The following TSPAN15 variants were observed in gnomAD, a reference collection of about 807,000 sequenced individuals.
The protein encoded by TSPAN15 is tetraspanin-15.
Under a neutral mutation model 34.5 loss-of-function variants are expected in TSPAN15, and 20 were observed. That is an observed-to-expected ratio of 0.58 (90% CI 0.41 to 0.84). The LOEUF is 0.84. Among genes scored for constraint, TSPAN15 ranks in the 40% least tolerant of loss-of-function variants. The pLI is 0.00. For missense variants in TSPAN15, 313 were observed against 386.1 expected (o/e 0.81, Z 1.59); for synonymous variants, 155 against 153.9 (o/e 1.01, Z -0.05).
At chr10:69,467,637 A>AACAC (rs36028041) in intron 1 of TSPAN15, among the ~76,000 whole-genome samples, 3,740 of 78,164 alleles carry the variant, frequency 0.048, 93 homozygotes, top group African/African-American at 0.084. Context: ...AAAACAAAAC[A>AACAC]ACACACACAC....
chr10:69,507,167 T>C lies in TSPAN15; in HGVS notation c.*189T>C. ...CAGGGAGCAGAGCCTGGGCCTCCCC[T>C]AAGAGGCTTTCCCCGAGGCAGCTCT... On this transcript the variant is annotated 3_prime_UTR_variant, in exon 8 of 8. Coordinates refer to ENST00000373290, the MANE Select transcript of TSPAN15 (RefSeq NM_012339.5). 7.0e-7 allele frequency: 1 copy of C among 1,427,662 alleles called. No individual in the cohort carries two copies. Among genetic ancestry groups the C allele is most frequent in the Non-Finnish European group, 9.1e-7 (1 of 1,097,672 alleles). 88.4% of individuals were successfully genotyped at this position (1,427,662 alleles called of 1,614,324 possible).
At chr10:69,454,897 C>T (rs781377211) in intron 1 of TSPAN15, among the ~76,000 whole-genome samples, 31 of 151,764 alleles carry the variant, frequency 2.0e-4, no homozygotes, top group Non-Finnish European at 3.5e-4. Flanking sequence ...AGGGTAAGGC[C>T]GGGTGAGGTG....
At chr10:69,540,717 G>T in the TSPAN15 span, among the ~76,000 whole-genome samples, 1 of 152,174 alleles carries the variant, frequency 6.6e-6, no homozygotes, top group African/African-American at 2.4e-5. Flanking sequence ...GCTGCCACAA[G>T]ATGGACTCTC....
At chr10:69,508,563 G>C (rs1842382910), downstream of TSPAN15, among the ~76,000 whole-genome samples, 1 of 152,014 alleles carries the variant, frequency 6.6e-6, no homozygotes. Context: ...TCAGATGCTT[G>C]GTCTGCCATG....
the TSPAN15 span, among the ~76,000 whole-genome samples, chr10:69,538,464 G>A: frequency 1.3e-5 from 2 of 152,242 alleles, no homozygotes; most frequent in African/African-American, 2.4e-5. Flanking sequence ...CAAGACCCCT[G>A]GGTGTGAATC....
the TSPAN15 span, among the ~76,000 whole-genome samples, chr10:69,523,832 G>A: frequency 1.3e-5 from 2 of 148,326 alleles, 1 homozygote; most frequent in East Asian, 5.0e-4. Flanking sequence ...TTGACATTAG[G>A]AAGTGTCAGC....
intron 1 of TSPAN15, among the ~76,000 whole-genome samples, chr10:69,463,192 C>T (rs912064692): frequency 2.0e-5 from 3 of 152,224 alleles, no homozygotes; most frequent in African/African-American, 7.2e-5. Context: ...GTCAGGGATT[C>T]AGAAACTTGT....
the TSPAN15 span, among the ~76,000 whole-genome samples, chr10:69,521,588 TA>T: frequency 2.0e-5 from 3 of 146,732 alleles, no homozygotes; most frequent in African/African-American, 7.4e-5. Context: ...AATGAATAAA[TA>T]AATAAATATA....
In TSPAN15 at chr10:69,506,484, C is replaced by A; in HGVS notation, c.735+244C>A. On this transcript the variant is annotated intron_variant, in intron 7 of 7. Transcript: ENST00000373290. This position sits in a 1 kb window ranked among gnomAD's most constrained non-coding sequence, Gnocchi z 4.7. ...AGGCACTATTATAATGCCTATTTCACAGAGGAGGAAACTGAGGAGCAGCAA... is the reference window on the plus strand; with the variant it reads ...AGGCACTATTATAATGCCTATTTCAAAGAGGAGGAAACTGAGGAGCAGCAA... 1.7e-6 allele frequency: 1 copy of A among 593,086 alleles called. No individual in the cohort carries two copies. Among genetic ancestry groups the A allele is most frequent in the Admixed American group, 3.0e-5 (1 of 33,666 alleles). The allele number at this position is 593,086 out of a possible 1,614,324, so 36.7% of individuals were successfully genotyped here.
chr10:69,535,080 TTATTTC>T, the TSPAN15 span, among the ~76,000 whole-genome samples: 2 of 152,188 alleles, frequency 1.3e-5, no homozygotes, highest in Admixed American at 1.3e-4. Context: ...TTTACATATT[TTATTTC>T]TATTTTCTAG....
intron 1 of TSPAN15, among the ~76,000 whole-genome samples, chr10:69,474,062 T>C (rs74640121): frequency 0.062 from 9,400 of 152,244 alleles, 1,002 homozygotes; most frequent in African/African-American, 0.22. Context: ...TCTATATGCC[T>C]GATTCAGCCA....
intron 1 of TSPAN15, among the ~76,000 whole-genome samples, chr10:69,462,784 A>G (rs1177125319): frequency 6.6e-6 from 1 of 152,160 alleles, no homozygotes; most frequent in South Asian, 2.1e-4. Context: ...GTAATGTGAA[A>G]CCTTCTTCTG....
chr10:69,455,519 CCT>C (rs1386007694), intron 1 of TSPAN15, among the ~76,000 whole-genome samples: 2 of 142,776 alleles, frequency 1.4e-5, no homozygotes, highest in African/African-American at 2.6e-5. Context: ...TCTTTCTTTC[CCT>C]CTCTTTCTTT....
intron 3 of TSPAN15, among the ~76,000 whole-genome samples, chr10:69,485,446 A>C (rs1841831896): frequency 6.6e-6 from 1 of 152,180 alleles, no homozygotes; most frequent in African/African-American, 2.4e-5. Flanking sequence ...GAAATGGTAA[A>C]AGGAGCCAGC....
At chr10:69,459,731 C>A (rs2133063409) in intron 1 of TSPAN15, among the ~76,000 whole-genome samples, 1 of 152,218 alleles carries the variant, frequency 6.6e-6, no homozygotes, top group African/African-American at 2.4e-5. Flanking sequence ...GTCTTGCCAT[C>A]CAGAGACCTA....
the TSPAN15 span, among the ~76,000 whole-genome samples, chr10:69,518,769 T>G: frequency 0.17 from 25,980 of 151,510 alleles, 2,754 homozygotes; most frequent in South Asian, 0.27. Flanking sequence ...AAATTAACAA[T>G]GTGCAACTCC....
chr10:69,529,036 A>T, the TSPAN15 span, among the ~76,000 whole-genome samples: 1 of 148,034 alleles, frequency 6.8e-6, no homozygotes, highest in African/African-American at 2.5e-5. Context: ...CTGCCCAGGA[A>T]TTTGTCTGCT....
chr10:69,473,447 T>C (rs1197172464), intron 1 of TSPAN15, among the ~76,000 whole-genome samples: 1 of 152,116 alleles, frequency 6.6e-6, no homozygotes, highest in Non-Finnish European at 1.5e-5. Flanking sequence ...CTTGCGGAAA[T>C]GTGACATCCT....
the TSPAN15 span, among the ~76,000 whole-genome samples, chr10:69,534,773 C>T: frequency 4.7e-5 from 7 of 149,222 alleles, no homozygotes; most frequent in Middle Eastern, 3.4e-3. Context: ...GTCTGAGGCC[C>T]GGAGTTTGAG....
Sources: allele counts gnomAD v4.1 joint callset (sites outside exome capture counted in the v4.1 genomes callset), GRCh38; gene constraint gnomAD v4.1.1; non-coding constraint Gnocchi (gnomAD v3.1); transcripts MANE v1.5; gene names NCBI Gene and HGNC (gene_info 2026-07-23, HGNC 2026-07-21).